Variants in SEC16A observed in about 807,000 individuals in gnomAD.
SEC16A encodes the protein protein transport protein Sec16A.
A neutral mutation model predicts 221.9 loss-of-function variants in SEC16A; 110 were observed. The ratio of observed to expected loss-of-function variants is 0.50; its 90% confidence interval spans 0.42 to 0.58. SEC16A has a LOEUF of 0.58. SEC16A is among the 20% of genes least tolerant of loss of function. The pLI is 0.00. For missense variants in SEC16A, 3,165 were observed against 3,097.8 expected, an observed-to-expected ratio of 1.02 and a Z score of -0.52; for synonymous variants, 1,393 against 1,257.7, an observed-to-expected ratio of 1.11 and a Z score of -2.28.
chr9:136,452,767 G>A (rs993013345), intron 22 of SEC16A, among the ~76,000 whole-genome samples: 1 of 85,328 alleles, frequency 1.2e-5, no homozygotes, highest in African/African-American at 4.7e-5. Context: ...CTATGTCTTA[G>A]GGAAAAAAAA....
intron 5 of SEC16A, among the ~76,000 whole-genome samples, chr9:136,468,146 G>C (rs1054373958): frequency 1.3e-5 from 2 of 152,244 alleles, no homozygotes; most frequent in Non-Finnish European, 2.9e-5. Flanking sequence ...TGTTCCACTA[G>C]AAAATCAGAG....
Position 136,475,634 on chromosome 9 carries a change from T to C in SEC16A, c.1982A>G (p.Gln661Arg). 2 of 1,613,806 alleles carry C rather than the reference T, an allele frequency of 1.2e-6. No individual in the cohort carries two copies. Among genetic ancestry groups the C allele is most frequent in the African/African-American group, 2.7e-5 (2 of 75,058 alleles). ...GAGGGTCTCCATGTTGTCTGGTGGCTGCTCCAGGTTGCCAGGGGAAGCATC... is the reference window on the plus strand; with the variant it reads ...GAGGGTCTCCATGTTGTCTGGTGGCCGCTCCAGGTTGCCAGGGGAAGCATC... Reference protein sequence around the residue: ...LPDASPGNLEQPPDNMETLCA... With the variant: ...LPDASPGNLERPPDNMETLCA... The change falls in exon 3 of 32, where the codon CAG becomes CGG. Residue 661 changes from glutamine (Q) to arginine (R), a missense_variant. Around this residue, in one of 3 missense-constraint regions of SEC16A, gnomAD observed 2,030 missense variants for 1,923.1 expected, o/e 1.06. Transcript: ENST00000684901. The surrounding 1 kb of genome is among the most constrained non-coding windows in gnomAD (Gnocchi z 5.0).
chr9:136,477,342 A>G lies in SEC16A; in HGVS notation c.274T>C (p.Leu92=), dbSNP rs781613166. 6.2e-7 allele frequency: 1 copy of G among 1,613,958 alleles called. No homozygotes were observed. Among genetic ancestry groups the G allele is most frequent in the Non-Finnish European group, 8.5e-7 (1 of 1,179,886 alleles). The change falls in exon 3 of 32, where the codon TTG becomes CTG. Residue 92 remains leucine, a synonymous_variant. Transcript: ENST00000684901. Reference sequence around the variant, plus strand: ...CTGGCATGTGTGTGAGGAACAAGCAAACCGGGGTGCTGAGAAAACCCTGCG... The same window carrying G: ...CTGGCATGTGTGTGAGGAACAAGCAGACCGGGGTGCTGAGAAAACCCTGCG... ...APAGFSQHPG[L]LVPHTHARDS...
rs938842128 is a variant in SEC16A at position 136,440,318 on chromosome 9, T to C, written c.*1437A>G. The C allele has an allele frequency of 6.6e-6, 1 of 152,322 alleles. No individual in the cohort carries two copies. The highest frequency in any genetic ancestry group is 1.5e-5 in the Non-Finnish European group (1 of 68,034). 9.4% of individuals were successfully genotyped at this position (152,322 alleles called of 1,614,324 possible). A position where few individuals can be genotyped will look rare whatever the true frequency, so the allele number is the denominator to read the frequency against. On this transcript the variant is annotated 3_prime_UTR_variant, in exon 32 of 32. Transcript: ENST00000684901. ...CTGCCCCGTCACAGGGACTGGCCTTTCTCCAAGTGACAAGGACAAATGGAT... is the reference window on the plus strand; with the variant it reads ...CTGCCCCGTCACAGGGACTGGCCTTCCTCCAAGTGACAAGGACAAATGGAT...
chr9:136,484,638 C>T (rs1384112516), upstream of SEC16A: 2 of 1,364,946 alleles, frequency 1.5e-6, no homozygotes, highest in Admixed American at 1.9e-5. Context: ...CCAGCTGGGC[C>T]GGCGGCTGGT....
chr9:136,443,711 T>A (rs1168651983), intron 31 of SEC16A, 112 bp downstream of exon 31: 8 of 726,136 alleles, frequency 1.1e-5, no homozygotes, highest in Admixed American at 5.0e-5. Flanking sequence ...ATATATTTTT[T>A]AAAAAGAAAG....
chr9:136,460,141 CAG>C lies in SEC16A; in HGVS notation c.4992-20_4992-19del, dbSNP rs749205143. 6.3e-7 allele frequency: 1 copy of C among 1,582,104 alleles called. No homozygotes were observed. The highest frequency in any genetic ancestry group is 1.3e-5 in the African/African-American group (1 of 74,186). ...TAGCAAACCTAGGCAGACATAAACACAGAAAGACCCCATGCTGGCTCAGCTAA... is the reference window on the plus strand; with the variant it reads ...TAGCAAACCTAGGCAGACATAAACACAAAGACCCCATGCTGGCTCAGCTAA... On this transcript the variant is annotated intron_variant, in intron 13 of 31. Transcript: ENST00000684901.
At position 136,459,766 on chromosome 9, in the gene SEC16A, C is replaced by A; in HGVS notation, c.5182G>T (p.Asp1728Tyr). ...TCCACCCCTGACCTACCCAGAGTGT[C>A]GCCCATGGTAGCCATCGTCCTGGAC... ...VESRTMATMG[D>Y]TLASRGLLDA... Residue 1728 changes from aspartate (D) to tyrosine (Y), a missense_variant, in exon 15 of 32, where the codon GAC becomes TAC. Asp to Tyr is a radical substitution (Grantham distance 160). Transcript: ENST00000684901. The surrounding 1 kb of genome is among the most constrained non-coding windows in gnomAD (Gnocchi z 6.1). 1 of 1,608,778 alleles carries A rather than the reference C, an allele frequency of 6.2e-7. No individual in the cohort carries two copies. Among genetic ancestry groups the A allele is most frequent in the Admixed American group, 1.7e-5 (1 of 59,342 alleles).
rs1838153217 is a variant in SEC16A, at chr9:136,453,438, A to G, written c.6149T>C (p.Phe2050Ser). 1.2e-6 allele frequency: 2 copies of G among 1,613,006 alleles called. No individual in the cohort carries two copies. The highest frequency in any genetic ancestry group is 1.7e-6 in the Non-Finnish European group (2 of 1,179,070). Residue 2050 changes from phenylalanine to serine, a missense_variant, in exon 22 of 32, where the codon TTT becomes TCT. Physicochemically the swap from Phe to Ser is radical, Grantham distance 155. Coordinates refer to ENST00000684901, the MANE Select transcript of SEC16A (RefSeq NM_014866.2). ...ELSEENFDGKFANLTPSRTVP... is the reference protein window; with the variant it reads ...ELSEENFDGKSANLTPSRTVP... Reference sequence around the variant, plus strand: ...AATGTGACAAAGTACCAGATTAGCAAATTTTCCATCAAAATTTTCTTCGCT... The same window carrying G: ...AATGTGACAAAGTACCAGATTAGCAGATTTTCCATCAAAATTTTCTTCGCT...
At chr9:136,448,452 T>C (rs997729444) in intron 23 of SEC16A, 1 of 657,348 alleles carries the variant, frequency 1.5e-6, no homozygotes, top group Non-Finnish European at 2.7e-6. Context: ...AGGATGGAGG[T>C]GGGAGCAGAT....
intron 2 of SEC16A, among the ~76,000 whole-genome samples, 182 bp from the exon 3 acceptor site, chr9:136,477,866 G>T (rs1314643843): frequency 1.3e-5 from 2 of 152,130 alleles, no homozygotes; most frequent in African/African-American, 4.8e-5. Flanking sequence ...AACTGTTCTG[G>T]GGGGCAGGGG....
chr9:136,475,618 C>T lies in SEC16A; in HGVS notation c.1998G>A (p.Met666Ile). 1 of 1,613,690 alleles carries T rather than the reference C, an allele frequency of 6.2e-7. No homozygotes were observed. Among genetic ancestry groups the T allele is most frequent in the Non-Finnish European group, 8.5e-7 (1 of 1,179,838 alleles). Residue 666 changes from methionine to isoleucine, a missense_variant, in exon 3 of 32, where the codon ATG becomes ATA. Met to Ile is a conservative substitution (Grantham distance 10). Coordinates refer to ENST00000684901, the MANE Select transcript of SEC16A (RefSeq NM_014866.2). The surrounding 1 kb of genome is among the most constrained non-coding windows in gnomAD (Gnocchi z 5.0). ...AGACCTGGGGTGCACAGAGGGTCTC[C>T]ATGTTGTCTGGTGGCTGCTCCAGGT... ...PGNLEQPPDN[M>I]ETLCAPQVCP...
In SEC16A at chr9:136,459,615, TCAAGGACGCGCACAGAAGG is replaced by T. The variant is rs1240114354; in HGVS notation, c.5192-79_5192-61del. 2.8e-6 allele frequency: 4 copies of T among 1,429,816 alleles called. No individual in the cohort carries two copies. The African/African-American group carries it at 4.3e-5, about 15-fold the overall frequency. The allele number at this position is 1,429,816 out of a possible 1,614,324, so 88.6% of individuals were successfully genotyped here. On this transcript the variant is annotated intron_variant, in intron 15 of 31. Coordinates refer to ENST00000684901, the MANE Select transcript of SEC16A (RefSeq NM_014866.2). The surrounding 1 kb of genome is among the most constrained non-coding windows in gnomAD (Gnocchi z 6.1). ...CAGCGACCGGGAGCGCTTGCAGAAG[TCAAGGACGCGCACAGAAGG>T]CACCAGAGACGCCAGCCGGACCGAG...
In SEC16A at chr9:136,451,303, T is replaced by C. The variant is rs768702938; in HGVS notation, c.6265A>G (p.Lys2089Glu). 9 of 1,613,432 alleles carry C rather than the reference T, an allele frequency of 5.6e-6. No homozygotes were observed. The highest frequency in any genetic ancestry group is 7.6e-6 in the Non-Finnish European group (9 of 1,179,682). The change falls in exon 23 of 32, where the codon AAG becomes GAG. Residue 2089 changes from lysine (K) to glutamate (E), a missense_variant. Transcript: ENST00000684901. ...PLSLSPAPET[K>E]RPGQAAKKET... is the part of the protein sequence containing the mutation. ...TTCTTGGCTGCCTGTCCGGGTCTCT[T>C]TGTTTCGGGAGCGGGTGAGAGAGAC...
At chr9:136,483,818 G>T (rs1181151851), upstream of SEC16A, 6 of 984,674 alleles carry the variant, frequency 6.1e-6, no homozygotes, top group South Asian at 1.4e-4. Flanking sequence ...CATGCGCCGG[G>T]AGCGGCCGGA....
At position 136,474,355 on chromosome 9, in the gene SEC16A, CAG is replaced by C; in HGVS notation, c.3259_3260del (p.Leu1087AlafsTer34). 6.2e-7 allele frequency: 1 copy of C among 1,612,666 alleles called. No homozygotes were observed. Among genetic ancestry groups the C allele is most frequent in the Non-Finnish European group, 8.5e-7 (1 of 1,179,820 alleles). ...MFSELSNPESLPAQGQAQNSA... is the reference protein window; with the variant it reads ...MFSELSNPESXPAQGQAQNSA... ...AGTTCTGGGCCTGTCCCTGTGCGGGCAGACTTTCTGGATTTGACAGCTCCGAA... is the reference window on the plus strand; with the variant it reads ...AGTTCTGGGCCTGTCCCTGTGCGGGCACTTTCTGGATTTGACAGCTCCGAA... On this transcript the variant is annotated frameshift_variant, in exon 3 of 32. Coordinates refer to ENST00000684901, the MANE Select transcript of SEC16A (RefSeq NM_014866.2). LOFTEE classifies it high-confidence loss of function.
In SEC16A at chr9:136,459,782, C is replaced by T. The variant is rs775014144; in HGVS notation, c.5166G>A (p.Thr1722=). 18 of 1,611,646 alleles carry T rather than the reference C, an allele frequency of 1.1e-5. No individual in the cohort carries two copies. Among genetic ancestry groups the T allele is most frequent in the South Asian group, 2.2e-5 (2 of 90,450 alleles). ...LNNNMDVESR[T]MATMGDTLAS... ...CCAGAGTGTCGCCCATGGTAGCCATCGTCCTGGACTCGACGTCCATGTTGT... is the reference window on the plus strand; with the variant it reads ...CCAGAGTGTCGCCCATGGTAGCCATTGTCCTGGACTCGACGTCCATGTTGT... Residue 1722 remains threonine (T), a synonymous_variant, in exon 15 of 32, where the codon ACG becomes ACA. Coordinates refer to ENST00000684901, the MANE Select transcript of SEC16A (RefSeq NM_014866.2). This position sits in a 1 kb window ranked among gnomAD's most constrained non-coding sequence, Gnocchi z 6.1.
chr9:136,468,236 T>C (rs1039299056), intron 5 of SEC16A, among the ~76,000 whole-genome samples, 179 bp downstream of exon 5: 1 of 152,222 alleles, frequency 6.6e-6, no homozygotes, highest in African/African-American at 2.4e-5. Flanking sequence ...ATATAATTAT[T>C]TCCAAATACA....
rs1437938865 is a variant in SEC16A at position 136,459,920 on chromosome 9, C to T, written c.5074-46G>A. ...ACGAAGCCTCATCCCCGGAAGCCAGCGCCATTTCAATTCCACACAGCTGGG... is the reference window on the plus strand; with the variant it reads ...ACGAAGCCTCATCCCCGGAAGCCAGTGCCATTTCAATTCCACACAGCTGGG... On this transcript the variant is annotated intron_variant, in intron 14 of 31. Coordinates refer to ENST00000684901, the MANE Select transcript of SEC16A (RefSeq NM_014866.2). This position sits in a 1 kb window ranked among gnomAD's most constrained non-coding sequence, Gnocchi z 6.1. The T allele has an allele frequency of 4.5e-6, 7 of 1,568,758 alleles. No individual in the cohort carries two copies. The highest frequency in any genetic ancestry group is 1.1e-5 in the South Asian group (1 of 87,114).
Sources: allele counts gnomAD v4.1 joint callset (sites outside exome capture counted in the v4.1 genomes callset), GRCh38; gene constraint gnomAD v4.1.1; regional missense constraint gnomAD v4.1.1; non-coding constraint Gnocchi (gnomAD v3.1); transcripts MANE v1.5; gene names NCBI Gene and HGNC (gene_info 2026-07-23, HGNC 2026-07-21).